Variants in AFAP1 observed in about 807,000 individuals in gnomAD.
AFAP1 encodes the protein actin filament associated protein 1.
Under a neutral mutation model 93.9 loss-of-function variants are expected in AFAP1, and 75 were observed. The observed-to-expected ratio is 0.80, with a 90% CI of 0.66 to 0.97. The LOEUF is 0.97. Among genes scored for constraint, AFAP1 ranks in the 50% least tolerant of loss-of-function variants. The pLI is 0.00. For synonymous variants in AFAP1, 517 were observed against 430.7 expected (o/e 1.20, Z -2.48); for missense variants, 1,201 against 1,050.8 (o/e 1.14, Z -1.98).
intron 6 of AFAP1, among the ~76,000 whole-genome samples, chr4:7,827,129 G>A (rs1198804463): frequency 6.6e-6 from 1 of 152,100 alleles, no homozygotes; most frequent in Non-Finnish European, 1.5e-5. Context: ...GAGCCCACAG[G>A]AGAGAAGAGG....
intron 8 of AFAP1, among the ~76,000 whole-genome samples, chr4:7,814,459 A>G (rs1720300331): frequency 6.6e-6 from 1 of 151,504 alleles, no homozygotes; most frequent in South Asian, 2.1e-4. Context: ...CCACGCAAAA[A>G]CCTGTCTCTG....
chr4:7,825,819 A>C (rs114786209), intron 6 of AFAP1, among the ~76,000 whole-genome samples: 1,782 of 152,254 alleles, frequency 0.012, 29 homozygotes, highest in African/African-American at 0.04. Context: ...GAGAACTAAT[A>C]AAATTGATAA....
chr4:7,790,706 A>T (rs1259448405), intron 11 of AFAP1, among the ~76,000 whole-genome samples: 2 of 150,002 alleles, frequency 1.3e-5, no homozygotes, highest in Non-Finnish European at 2.9e-5. Context: ...TACTTAAAGA[A>T]TTGGAGAATC....
chr4:7,841,100 G>A (rs1221080310), intron 5 of AFAP1, among the ~76,000 whole-genome samples: 1 of 152,216 alleles, frequency 6.6e-6, no homozygotes, highest in Non-Finnish European at 1.5e-5. Context: ...GGGATTTCCT[G>A]GGAAGCCGCC....
intron 1 of AFAP1, among the ~76,000 whole-genome samples, chr4:7,929,424 A>G (rs914196829): frequency 6.6e-6 from 1 of 152,244 alleles, no homozygotes; most frequent in African/African-American, 2.4e-5. Flanking sequence ...AAAAACAAAG[A>G]GAATTCAGGA....
At chr4:7,827,311 C>T (rs149997107) in intron 6 of AFAP1, among the ~76,000 whole-genome samples, 1 of 152,088 alleles carries the variant, frequency 6.6e-6, no homozygotes, top group Non-Finnish European at 1.5e-5. Flanking sequence ...GTGGCTCATG[C>T]CTGTCATCCC....
At chr4:7,919,906 C>T (rs966483366) in intron 1 of AFAP1, among the ~76,000 whole-genome samples, 3 of 152,210 alleles carry the variant, frequency 2.0e-5, no homozygotes, top group Admixed American at 2.0e-4. Flanking sequence ...TTTGGTTTTC[C>T]GTTTCTGCCT....
chr4:7,784,279 G>A (rs934604245), intron 12 of AFAP1, among the ~76,000 whole-genome samples: 4 of 152,196 alleles, frequency 2.6e-5, no homozygotes, highest in Middle Eastern at 3.4e-3. Flanking sequence ...AGCTAGGATG[G>A]GATCCTAAAG....
intron 13 of AFAP1, among the ~76,000 whole-genome samples, chr4:7,780,887 T>A (rs1440676890): frequency 6.6e-6 from 1 of 152,172 alleles, no homozygotes; most frequent in East Asian, 1.9e-4. Flanking sequence ...ATTATCATCA[T>A]CTAGTTTTTG....
intron 16 of AFAP1, among the ~76,000 whole-genome samples, chr4:7,771,679 C>T (rs1301408364): frequency 1.3e-5 from 2 of 152,192 alleles, no homozygotes; most frequent in African/African-American, 4.8e-5. Context: ...TCATTTCAAG[C>T]CCTGGCCTGT....
At chr4:7,786,811 C>T (rs1308136951) in intron 11 of AFAP1, among the ~76,000 whole-genome samples, 1 of 152,240 alleles carries the variant, frequency 6.6e-6, no homozygotes, top group Admixed American at 6.5e-5. Context: ...GACAACATGG[C>T]CTGCAAAGCT....
intron 12 of AFAP1, 108 bp from the exon 13 acceptor site, chr4:7,781,735 A>AC (rs1350281742): frequency 7.2e-7 from 1 of 1,389,734 alleles, no homozygotes; most frequent in Non-Finnish European, 9.7e-7. Context: ...ATACATTGGC[A>AC]CCCCAACACT....
intron 5 of AFAP1, among the ~76,000 whole-genome samples, chr4:7,839,348 A>G (rs1269184426): frequency 7.6e-6 from 1 of 130,986 alleles, no homozygotes. Flanking sequence ...ACAAAGAAAA[A>G]CAAAACAAAA....
At chr4:7,822,586 C>CTTTTT (rs5855982) in intron 6 of AFAP1, among the ~76,000 whole-genome samples, 1 of 132,570 alleles carries the variant, frequency 7.5e-6, no homozygotes, top group African/African-American at 2.9e-5. Context: ...TTTCTTTTTT[C>CTTTTT]TTTTTTTTTT....
At chr4:7,931,212 A>C (rs1721044236) in intron 1 of AFAP1, among the ~76,000 whole-genome samples, 1 of 152,198 alleles carries the variant, frequency 6.6e-6, no homozygotes. Context: ...GTAACCTCCA[A>C]GGAACAGGGA....
chr4:7,902,342 T>C (rs560569890), intron 1 of AFAP1, among the ~76,000 whole-genome samples: 2 of 152,346 alleles, frequency 1.3e-5, no homozygotes, highest in South Asian at 4.1e-4. Context: ...ATAAGCCTGC[T>C]ATTAGAGAAC....
chr4:7,765,018 A>G (rs1270057278), intron 17 of AFAP1, among the ~76,000 whole-genome samples: 1 of 152,098 alleles, frequency 6.6e-6, no homozygotes. Flanking sequence ...AGGCGAGAGG[A>G]TTGCTTGAGC....
intron 10 of AFAP1, chr4:7,799,050 G>A: frequency 1.0e-6 from 1 of 986,048 alleles, no homozygotes; most frequent in Non-Finnish European, 1.2e-6. Flanking sequence ...CCAGTTTTCA[G>A]CCTACATAAA....
chr4:7,814,969 G>A (rs1222310922), intron 8 of AFAP1, among the ~76,000 whole-genome samples: 1 of 152,260 alleles, frequency 6.6e-6, no homozygotes, highest in Admixed American at 6.5e-5. Context: ...GCTCACGGCA[G>A]CATCTTTCAC....
Sources: allele counts gnomAD v4.1 joint callset (sites outside exome capture counted in the v4.1 genomes callset), GRCh38; gene constraint gnomAD v4.1.1; transcripts MANE v1.5; gene names NCBI Gene and HGNC (gene_info 2026-07-23, HGNC 2026-07-21).